SNTG2: variants seen among roughly 807,000 people sequenced by gnomAD.
SNTG2 encodes syntrophin gamma 2, also known as gamma-2-syntrophin.
A neutral mutation model predicts 70.9 loss-of-function variants in SNTG2; 74 were observed. The ratio of observed to expected loss-of-function variants is 1.04; its 90% CI spans 0.86 to 1.27. SNTG2 has a LOEUF of 1.27. SNTG2 is among the 50% of genes most tolerant of loss of function. The probability of loss-of-function intolerance (pLI) is 0.00; values close to 1 mark genes in which losing one functional copy is unlikely to be tolerated. For synonymous variants in SNTG2, 278 were observed against 273.8 expected, an observed-to-expected ratio of 1.02 and a Z score of -0.15; for missense variants, 717 against 690.7, an observed-to-expected ratio of 1.04 and a Z score of -0.43.
At chr2:1,319,589 C>T (rs1365088952) in intron 16 of SNTG2, among the ~76,000 whole-genome samples, 1 of 152,136 alleles carries the variant, frequency 6.6e-6, no homozygotes, top group Non-Finnish European at 1.5e-5. Flanking sequence ...GCCCTGGGCA[C>T]GTCGCTTGGG....
intron 1 of SNTG2, among the ~76,000 whole-genome samples, chr2:1,031,528 A>ATATATATATATATATTTTTTTTT: frequency 3.6e-4 from 21 of 59,080 alleles, no homozygotes; most frequent in Admixed American, 2.7e-3. Context: ...ATATATATAT[A>ATATATATATATATATTTTTTTTT]TTTTTTTTTT....
At chr2:1,259,241 A>G in intron 12 of SNTG2, 129 bp from the exon 13 acceptor site, 1 of 741,282 alleles carries the variant, frequency 1.3e-6, no homozygotes, top group South Asian at 1.8e-5. Flanking sequence ...TAATGTTACC[A>G]ATTTATACTA....
At chr2:1,236,764 C>T (rs1247873170) in intron 9 of SNTG2, among the ~76,000 whole-genome samples, 1 of 152,100 alleles carries the variant, frequency 6.6e-6, no homozygotes, top group Non-Finnish European at 1.5e-5. Context: ...TCCTACACAC[C>T]CCACCTTGCC....
At chr2:1,120,452 T>C (rs774803197) in intron 4 of SNTG2, among the ~76,000 whole-genome samples, 1 of 152,116 alleles carries the variant, frequency 6.6e-6, no homozygotes, top group African/African-American at 2.4e-5. Context: ...TCAAAAGACA[T>C]ATAGTGGTGA....
chr2:1,184,127 C>G (rs1435908716), intron 8 of SNTG2, among the ~76,000 whole-genome samples: 1 of 152,126 alleles, frequency 6.6e-6, no homozygotes, highest in East Asian at 1.9e-4. Flanking sequence ...CATCAGGAGA[C>G]TAAGCCAAGG....
chr2:1,134,777 C>T (rs959305500), intron 4 of SNTG2, among the ~76,000 whole-genome samples: 23 of 152,212 alleles, frequency 1.5e-4, no homozygotes, highest in African/African-American at 2.4e-5. Flanking sequence ...GAGCAGGGGG[C>T]GTCGCTCGTT....
chr2:1,351,850 C>G (rs184137140), intron 16 of SNTG2, among the ~76,000 whole-genome samples: 130 of 152,308 alleles, frequency 8.5e-4, no homozygotes, highest in Non-Finnish European at 3.2e-4. Context: ...GCCCACGAGG[C>G]GCTTTCCTCC....
chr2:987,956 C>A (rs1420920043), intron 1 of SNTG2, among the ~76,000 whole-genome samples: 1 of 152,210 alleles, frequency 6.6e-6, no homozygotes, highest in Non-Finnish European at 1.5e-5. Flanking sequence ...CCCACGTGGG[C>A]CTCTCCAGGC....
chr2:1,267,875 G>A (rs1309257777), intron 14 of SNTG2, among the ~76,000 whole-genome samples: 1 of 152,226 alleles, frequency 6.6e-6, no homozygotes, highest in African/African-American at 2.4e-5. Context: ...AAGTTCCTGA[G>A]AAGTGATGAC....
chr2:1,089,238 A>G (rs559384457), intron 2 of SNTG2, among the ~76,000 whole-genome samples: 139 of 152,384 alleles, frequency 9.1e-4, no homozygotes, highest in Non-Finnish European at 1.7e-3. Flanking sequence ...GAGTTAGCTC[A>G]TTAAAATGTT....
chr2:1,165,414 A>G (rs1262250356), intron 6 of SNTG2, 134 bp from the exon 7 acceptor site: 1 of 829,370 alleles, frequency 1.2e-6, no homozygotes, highest in Non-Finnish European at 1.9e-6. Flanking sequence ...AAGCCCACAA[A>G]GTTTTCCGTG....
chr2:1,098,220 C>G lies in SNTG2; in HGVS notation c.235C>G (p.Gln79Glu), dbSNP rs751091131. 5.0e-6 allele frequency: 8 copies of G among 1,614,056 alleles called. No individual in the cohort carries two copies. In the South Asian group the frequency reaches 8.8e-5, roughly 18 times the overall value. Reference sequence around the variant, plus strand: ...GCGCAGAACTGTTACACTCCGCAGACAGCCAGTTGGCGGCTTGGGCCTGAG... The same window carrying G: ...GCGCAGAACTGTTACACTCCGCAGAGAGCCAGTTGGCGGCTTGGGCCTGAG... ...RNRRTVTLRR[Q>E]PVGGLGLSIK... The change falls in exon 3 of 17, where the codon CAG (glutamine) becomes GAG (glutamate). Residue 79 changes from glutamine (Q) to glutamate (E), a missense_variant. By Grantham distance (29) the Gln-to-Glu change is conservative. Transcript: ENST00000308624.
chr2:1,226,019 C>A (rs1572795662), intron 9 of SNTG2, among the ~76,000 whole-genome samples: 1 of 151,730 alleles, frequency 6.6e-6, no homozygotes, highest in Non-Finnish European at 1.5e-5. Context: ...AAAAAAAAAA[C>A]CTTGCTGTGG....
chr2:1,074,404 A>G (rs1031405381), intron 1 of SNTG2, among the ~76,000 whole-genome samples: 9 of 152,212 alleles, frequency 5.9e-5, no homozygotes, highest in Non-Finnish European at 1.3e-4. Context: ...GGAAGGAAGG[A>G]AGTGATGTGG....
intron 6 of SNTG2, chr2:1,161,614 T>G (rs1368319778): frequency 6.6e-6 from 1 of 152,210 alleles, no homozygotes; most frequent in Non-Finnish European, 1.5e-5. Context: ...ATTATTTTGT[T>G]CATACACCAC....
chr2:1,226,920 A>G (rs930220410), intron 9 of SNTG2, among the ~76,000 whole-genome samples: 4 of 152,216 alleles, frequency 2.6e-5, no homozygotes, highest in African/African-American at 9.6e-5. Context: ...TTTTTCAAAC[A>G]TGAGGAATTT....
intron 13 of SNTG2, among the ~76,000 whole-genome samples, chr2:1,261,585 G>A (rs1678415832): frequency 1.3e-5 from 2 of 152,180 alleles, no homozygotes; most frequent in Admixed American, 1.3e-4. Context: ...CAGCATGGCA[G>A]AAAAGCACTC....
intron 1 of SNTG2, among the ~76,000 whole-genome samples, chr2:964,181 C>T (rs1572169439): frequency 6.6e-6 from 1 of 152,312 alleles, no homozygotes; most frequent in East Asian, 1.9e-4. Context: ...AGAACTCACA[C>T]ATGCCTAACT....
At position 1,103,777 on chromosome 2, in the gene SNTG2, C is replaced by T. The variant is rs569940062; in HGVS notation, c.325+5367C>T. Among the ~76,000 whole-genome samples, 42 of 152,222 alleles carry T rather than the reference C, an allele frequency of 2.8e-4. 1 individual carries two copies. In the South Asian group the frequency reaches 8.3e-3, roughly 30 times the overall value. ...CCTCCGTGCATGCTGTGATTGCAGG[C>T]GCACACTCATTGAATCGGTTGTTAG... is the stretch of plus-strand genomic sequence containing the variant. On this transcript the variant is annotated intron_variant, in intron 4 of 16. Transcript: ENST00000308624.
Sources: allele counts gnomAD v4.1 joint callset (sites outside exome capture counted in the v4.1 genomes callset), GRCh38; gene constraint gnomAD v4.1.1; transcripts MANE v1.5; gene names NCBI Gene and HGNC (gene_info 2026-07-23, HGNC 2026-07-21).